The following AGMO variants were observed in gnomAD, a reference collection of about 807,000 sequenced individuals.
The protein encoded by AGMO is alkylglycerol monooxygenase, also known as glyceryl-ether monooxygenase.
A neutral mutation model predicts 60.2 loss-of-function variants in AGMO; 75 were observed. That is an observed-to-expected ratio of 1.25 (90% confidence interval 1.03 to 1.51). The LOEUF is 1.51. Among genes scored for constraint, AGMO ranks in the 40% most tolerant of loss-of-function variants. The pLI is 0.00. For missense variants in AGMO, 763 were observed against 525.5 expected, an observed-to-expected ratio of 1.45 and a Z score of -4.42; for synonymous variants, 261 against 177.1, an observed-to-expected ratio of 1.47 and a Z score of -3.76.
intron 6 of AGMO, among the ~76,000 whole-genome samples, chr7:15,393,656 G>C (rs897303789): frequency 6.6e-6 from 1 of 152,132 alleles, no homozygotes; most frequent in Non-Finnish European, 1.5e-5. Context: ...CTTATACTGA[G>C]ATTGTTCAAC....
chr7:15,554,772 CA>C (rs1211384094), intron 2 of AGMO, among the ~76,000 whole-genome samples: 1 of 151,878 alleles, frequency 6.6e-6, no homozygotes, highest in Non-Finnish European at 1.5e-5. Context: ...ATCAATAAAT[CA>C]GAAATAAATG....
chr7:15,288,851 TAAAA>T (rs201502047), intron 12 of AGMO, among the ~76,000 whole-genome samples: 1 of 141,604 alleles, frequency 7.1e-6, no homozygotes, highest in Non-Finnish European at 1.6e-5. Flanking sequence ...AAATAAAAAA[TAAAA>T]AAAAAAAAAA....
At chr7:15,218,368 G>C (rs1488308216) in intron 12 of AGMO, among the ~76,000 whole-genome samples, 2 of 99,152 alleles carry the variant, frequency 2.0e-5, no homozygotes, top group South Asian at 5.8e-4. Flanking sequence ...TGTGTATTTT[G>C]TGAATTTTTG....
intron 12 of AGMO, among the ~76,000 whole-genome samples, chr7:15,271,508 GTTAAT>G (rs1414973886): frequency 6.6e-6 from 1 of 152,024 alleles, no homozygotes; most frequent in Non-Finnish European, 1.5e-5. Context: ...ATCTTTTTAT[GTTAAT>G]TTTGTATCTT....
At chr7:15,117,872 T>C in the AGMO span, among the ~76,000 whole-genome samples, 1 of 152,064 alleles carries the variant, frequency 6.6e-6, no homozygotes, top group Non-Finnish European at 1.5e-5. Flanking sequence ...GTATTTATTA[T>C]TCTCCTATCT....
chr7:15,308,349 CCCA>C (rs1428162288), intron 12 of AGMO, among the ~76,000 whole-genome samples: 17 of 152,072 alleles, frequency 1.1e-4, no homozygotes, highest in African/African-American at 3.6e-4. Flanking sequence ...TGACCTTACC[CCCA>C]CACTTCTTTT....
the AGMO span, among the ~76,000 whole-genome samples, chr7:15,118,132 T>A: frequency 6.8e-6 from 1 of 147,042 alleles, no homozygotes; most frequent in African/African-American, 2.5e-5. Context: ...TGCATGAGAG[T>A]CAAGGTTAAA....
intron 12 of AGMO, among the ~76,000 whole-genome samples, chr7:15,358,765 GAGA>G (rs1371293134): frequency 1.8e-4 from 27 of 152,276 alleles, no homozygotes; most frequent in Admixed American, 1.5e-3. Context: ...ATGCCAGCAA[GAGA>G]AGGACAAGGA....
At chr7:15,251,276 T>C (rs1048464977) in intron 12 of AGMO, among the ~76,000 whole-genome samples, 2 of 152,004 alleles carry the variant, frequency 1.3e-5, no homozygotes, top group African/African-American at 4.8e-5. Flanking sequence ...TCCTAGAGAT[T>C]TGGAATTTTG....
At chr7:15,366,257 A>C (rs1360122346) in intron 10 of AGMO, 35 bp from the exon 11 acceptor site, 1 of 1,518,588 alleles carries the variant, frequency 6.6e-7, no homozygotes, top group Non-Finnish European at 9.0e-7. Context: ...TGGAGCCGTT[A>C]GAAGAATTGT....
chr7:15,514,921 A>G (rs560234652), intron 3 of AGMO, among the ~76,000 whole-genome samples: 3 of 152,274 alleles, frequency 2.0e-5, no homozygotes, highest in Admixed American at 1.3e-4. Flanking sequence ...TACATCATCT[A>G]TGTTAGGATT....
chr7:15,145,088 A>C, the AGMO span, among the ~76,000 whole-genome samples: 1 of 152,212 alleles, frequency 6.6e-6, no homozygotes, highest in Non-Finnish European at 1.5e-5. Flanking sequence ...TCGGCCCCGC[A>C]AAGTGCTGGG....
At chr7:15,312,977 C>A (rs1325586678) in intron 12 of AGMO, among the ~76,000 whole-genome samples, 2 of 152,056 alleles carry the variant, frequency 1.3e-5, no homozygotes, top group Admixed American at 1.3e-4. Flanking sequence ...CCAAGAATTT[C>A]TGAATAATGA....
At chr7:15,448,980 G>A (rs1023300483) in intron 3 of AGMO, among the ~76,000 whole-genome samples, 3 of 152,114 alleles carry the variant, frequency 2.0e-5, no homozygotes, top group East Asian at 1.9e-4. Context: ...TGTTAGAGCT[G>A]GAGTTTAAAT....
Position 15,312,460 on chromosome 7 carries a change from C to A in AGMO, c.1263+53054G>T, listed in dbSNP as rs147835480. Among the ~76,000 whole-genome samples the A allele has an allele frequency of 2.8e-3, 396 of 142,892 alleles. 1 individual carries two copies. Among genetic ancestry groups the A allele is most frequent in the African/African-American group, 9.6e-3 (370 of 38,508 alleles). The allele number at this position is 142,892 out of a possible 152,430, so 93.7% of individuals were successfully genotyped here. On this transcript the variant is annotated intron_variant, in intron 12 of 12. Transcript: ENST00000342526. ...GACCTCTCAAGGGAGTCATGGAAAT[C>A]ACAGGACAATCAAATGTATCTTTAG...
At chr7:15,493,742 T>C (rs564454150) in intron 3 of AGMO, among the ~76,000 whole-genome samples, 1 of 152,272 alleles carries the variant, frequency 6.6e-6, no homozygotes, top group East Asian at 1.9e-4. Flanking sequence ...CCCTGAATCC[T>C]TTAGAGTGCA....
chr7:15,165,861 A>G, the AGMO span, among the ~76,000 whole-genome samples: 62 of 152,294 alleles, frequency 4.1e-4, 1 homozygote, highest in African/African-American at 1.3e-3. Context: ...AAAGCATATT[A>G]TTGCTCCATA....
intron 3 of AGMO, among the ~76,000 whole-genome samples, chr7:15,535,759 T>G (rs1274492615): frequency 6.6e-6 from 1 of 152,076 alleles, no homozygotes; most frequent in East Asian, 1.9e-4. Context: ...TGGATATCCA[T>G]CACTACACAT....
At chr7:15,219,640 C>G (rs899908780) in intron 12 of AGMO, among the ~76,000 whole-genome samples, 1 of 152,074 alleles carries the variant, frequency 6.6e-6, no homozygotes, top group Non-Finnish European at 1.5e-5. Context: ...TCGATTTACT[C>G]TTCAGCACCC....
Sources: allele counts gnomAD v4.1 joint callset (sites outside exome capture counted in the v4.1 genomes callset), GRCh38; gene constraint gnomAD v4.1.1; transcripts MANE v1.5; gene names NCBI Gene and HGNC (gene_info 2026-07-23, HGNC 2026-07-21).